Variants in HNF1A observed in about 807,000 individuals in gnomAD.
HNF1A encodes hepatocyte nuclear factor 1-alpha.
Under a neutral mutation model 62.2 loss-of-function variants are expected in HNF1A, and 21 were observed. The ratio of observed to expected loss-of-function variants is 0.34; its 90% CI spans 0.24 to 0.49. The LOEUF is 0.49. Among genes scored for constraint, HNF1A ranks in the 20% least tolerant of loss-of-function variants. The pLI is 0.99. For synonymous variants in HNF1A, 374 were observed against 366.8 expected, an observed-to-expected ratio of 1.02 and a Z score of -0.22; for missense variants, 687 against 832.3, an observed-to-expected ratio of 0.83 and a Z score of 2.15.
At chr12:121,001,021 G>C (rs1021631858) in intron 9 of HNF1A, 44 bp from the exon 10 acceptor site, 3 of 1,610,076 alleles carry the variant, frequency 1.9e-6, no homozygotes, top group African/African-American at 1.3e-5. Context: ...TGGGGTGGGT[G>C]TGGGTGCCTG....
In HNF1A at chr12:120,978,644, G is replaced by A. The variant is rs899708954; in HGVS notation, c.-125G>A. 1.1e-6 allele frequency: 1 copy of A among 918,196 alleles called. No individual in the cohort carries two copies. Among genetic ancestry groups the A allele is most frequent in the African/African-American group, 1.6e-5 (1 of 61,908 alleles). 56.9% of individuals were successfully genotyped at this position (918,196 alleles called of 1,614,324 possible). A position where few individuals can be genotyped will look rare whatever the true frequency, so the allele number is the denominator to read the frequency against. On this transcript the variant is annotated 5_prime_UTR_variant, in exon 1 of 10. Transcript: ENST00000257555. The stretch of plus-strand genomic sequence containing the variant: ...CACAGGGCTTGGCTAGTGGGGTTTT[G>A]GGGGGGCAGTGGGTGCAAGGAGTTT...
chr12:120,993,437 A>C lies in HNF1A; in HGVS notation c.527-83A>C, dbSNP rs180900291. 4.2e-5 allele frequency: 59 copies of C among 1,403,100 alleles called. No individual in the cohort carries two copies. The Admixed American group carries it at 1.1e-3, about 25-fold the overall frequency. 86.9% of individuals were successfully genotyped at this position (1,403,100 alleles called of 1,614,324 possible). ...CTGGTTCAGCGCCATGGCAATGAGA[A>C]AGAATCAAGGGCAAGGTCAGGGGAA... On this transcript the variant is annotated intron_variant, in intron 2 of 9. Transcript: ENST00000257555.
chr12:120,978,590 T>C lies in HNF1A; in HGVS notation c.-179T>C, dbSNP rs1286487047. ...GCAGGGGCCCTGATTCACGGGCCGCTGGGGCCAGGGTTGGGGGTTGGGGGT... is the reference window on the plus strand; with the variant it reads ...GCAGGGGCCCTGATTCACGGGCCGCCGGGGCCAGGGTTGGGGGTTGGGGGT... On this transcript the variant is annotated 5_prime_UTR_variant, in exon 1 of 10. Coordinates refer to ENST00000257555, the MANE Select transcript of HNF1A (RefSeq NM_000545.8). 4.6e-6 allele frequency: 3 copies of C among 658,264 alleles called. No homozygotes were observed. In the African/African-American group the frequency reaches 5.5e-5, roughly 12 times the overall value. 40.8% of individuals were successfully genotyped at this position (658,264 alleles called of 1,614,324 possible).
intron 1 of HNF1A, among the ~76,000 whole-genome samples, chr12:120,980,237 G>A (rs1477034420): frequency 3.9e-5 from 6 of 152,190 alleles, no homozygotes; most frequent in African/African-American, 2.4e-5. Context: ...TACTCTGTTC[G>A]GTGCTCTCAA....
At chr12:120,989,865 TG>T (rs1246731564) in intron 2 of HNF1A, among the ~76,000 whole-genome samples, 2 of 151,928 alleles carry the variant, frequency 1.3e-5, no homozygotes, top group African/African-American at 4.8e-5. Flanking sequence ...GGTCTTAAAG[TG>T]GGAGTTGAAT....
Position 120,996,515 on chromosome 12 carries a change from G to A in HNF1A, c.1108-26G>A, listed in dbSNP as rs764268024. ...GGCCCTGTGGGGACCCCGGCCCCCCGGACACAGCTTGGCTTCCCCTCGTAG... is the reference window on the plus strand; with the variant it reads ...GGCCCTGTGGGGACCCCGGCCCCCCAGACACAGCTTGGCTTCCCCTCGTAG... On this transcript the variant is annotated intron_variant, in intron 5 of 9. Transcript: ENST00000257555. The surrounding 1 kb of genome is among the most constrained non-coding windows in gnomAD (Gnocchi z 4.5). 84 of 1,612,914 alleles carry A rather than the reference G, an allele frequency of 5.2e-5. No homozygotes were observed. The highest frequency in any genetic ancestry group is 2.7e-4 in the East Asian group (12 of 44,856).
chr12:120,983,104 G>A (rs1241068216), intron 1 of HNF1A, among the ~76,000 whole-genome samples: 1 of 152,174 alleles, frequency 6.6e-6, no homozygotes, highest in Admixed American at 6.5e-5. Flanking sequence ...TGCATGCCCT[G>A]AAACCCCAGG....
At chr12:120,980,278 G>C (rs935998531) in intron 1 of HNF1A, among the ~76,000 whole-genome samples, 21 of 152,278 alleles carry the variant, frequency 1.4e-4, no homozygotes, top group Admixed American at 1.2e-3. Context: ...AGGCCTGCAG[G>C]GGGTGGCCAG....
At chr12:120,986,086 A>G (rs1175481959) in intron 1 of HNF1A, among the ~76,000 whole-genome samples, 1 of 152,014 alleles carries the variant, frequency 6.6e-6, no homozygotes, top group Non-Finnish European at 1.5e-5. Context: ...TGTCCTTCTC[A>G]CTCCCATCCC....
Position 120,994,393 on chromosome 12 carries a change from A to G in HNF1A, c.943A>G (p.Ser315Gly), listed in dbSNP as rs1441646300. 2 of 1,590,502 alleles carry G rather than the reference A, an allele frequency of 1.3e-6. No homozygotes were observed. Among genetic ancestry groups the G allele is most frequent in the African/African-American group, 1.3e-5 (1 of 74,634 alleles). The change falls in exon 4 of 10, where the codon AGT becomes GGT. Residue 315 changes from serine to glycine, a missense_variant. Physicochemically the swap from Ser to Gly is moderately conservative, Grantham distance 56. Coordinates refer to ENST00000257555, the MANE Select transcript of HNF1A (RefSeq NM_000545.8). ...PGLPPPALSP[S>G]KVHGVRYGQP... is the part of the protein sequence containing the mutation. ...CCTGCCTCCACCTGCCCTCTCCCCCAGTAAGGTCCACGGTAAGTGGTATGT... is the reference window on the plus strand; with the variant it reads ...CCTGCCTCCACCTGCCCTCTCCCCCGGTAAGGTCCACGGTAAGTGGTATGT...
At position 120,999,616 on chromosome 12, in the gene HNF1A, C is replaced by T; in HGVS notation, c.1757C>T (p.Ala586Val). 1 of 1,610,698 alleles carries T rather than the reference C, an allele frequency of 6.2e-7. No individual in the cohort carries two copies. The highest frequency in any genetic ancestry group is 8.5e-7 in the Non-Finnish European group (1 of 1,179,404). Residue 586 changes from alanine to valine, a missense_variant, in exon 9 of 10, where the codon GCC (alanine) becomes GTC (valine). Coordinates refer to ENST00000257555, the MANE Select transcript of HNF1A (RefSeq NM_000545.8). ...CTGCAGCCGGCCCACCGGCTCAGCGCCAGCCCCACAGGTGAGAGGCCCTGG... is the reference window on the plus strand; with the variant it reads ...CTGCAGCCGGCCCACCGGCTCAGCGTCAGCCCCACAGGTGAGAGGCCCTGG... ...QHLQPAHRLS[A>V]SPTVSSSSLV...
Position 121,001,731 on chromosome 12 carries a change from C to G in HNF1A, c.*539C>G. On this transcript the variant is annotated 3_prime_UTR_variant, in exon 10 of 10. Transcript: ENST00000257555. ...GACCCACATGCCATTTGTACTGACC[C>G]CATCACCTACTCACACAGGCATTTC... 1 of 528,218 alleles carries G rather than the reference C, an allele frequency of 1.9e-6. No individual in the cohort carries two copies. The highest frequency in any genetic ancestry group is 3.7e-6 in the Non-Finnish European group (1 of 272,430). The allele number at this position is 528,218 out of a possible 1,614,324, so 32.7% of individuals were successfully genotyped here.
At chr12:120,990,176 C>G (rs1391780628) in intron 2 of HNF1A, among the ~76,000 whole-genome samples, 3 of 151,986 alleles carry the variant, frequency 2.0e-5, no homozygotes, top group African/African-American at 7.2e-5. Context: ...GAGTCTCACT[C>G]TGTTGCCCAG....
chr12:120,999,478 C>T lies in HNF1A; in HGVS notation c.1624-5C>T. 1 of 1,613,908 alleles carries T rather than the reference C, an allele frequency of 6.2e-7. No homozygotes were observed. Among genetic ancestry groups the T allele is most frequent in the Non-Finnish European group, 8.5e-7 (1 of 1,180,006 alleles). On this transcript the variant is annotated splice_polypyrimidine_tract_variant and splice_region_variant and intron_variant, in intron 8 of 9. Coordinates refer to ENST00000257555, the MANE Select transcript of HNF1A (RefSeq NM_000545.8). Reference sequence around the variant, plus strand: ...CGGGCTCAGGAGGCTGCTCTGCTCCCCCAGGTCTTCACCTCAGACACTGAG... The same window carrying T: ...CGGGCTCAGGAGGCTGCTCTGCTCCTCCAGGTCTTCACCTCAGACACTGAG...
chr12:120,994,521 C>T, intron 4 of HNF1A, 116 bp downstream of exon 4: 1 of 1,148,558 alleles, frequency 8.7e-7, no homozygotes, highest in Non-Finnish European at 1.2e-6. Flanking sequence ...CCATTCCATT[C>T]ATGCCACTCC....
rs3213547 is a variant in HNF1A, at chr12:120,997,378, G to A, written c.1310-96G>A. On this transcript the variant is annotated intron_variant, in intron 6 of 9. Coordinates refer to ENST00000257555, the MANE Select transcript of HNF1A (RefSeq NM_000545.8). Reference sequence around the variant, plus strand: ...CACCCTGCCCCCTCCTCCAAACCACGGGCTCTGGGAAGGAGAGGTGGTGCC... The same window carrying A: ...CACCCTGCCCCCTCCTCCAAACCACAGGCTCTGGGAAGGAGAGGTGGTGCC... 74,267 of 1,398,694 alleles carry A rather than the reference G, an allele frequency of 0.053. 2,231 individuals are homozygous for A. Among genetic ancestry groups the A allele is most frequent in the South Asian group, 0.085 (5,972 of 69,922 alleles). 86.6% of individuals were successfully genotyped at this position (1,398,694 alleles called of 1,614,324 possible).
rs137853244 is a variant in HNF1A, at chr12:120,988,897, C to A, written c.391C>A (p.Arg131=). Residue 131 remains arginine, a synonymous_variant, in exon 2 of 10, where the codon CGG becomes AGG. Transcript: ENST00000257555. The stretch of plus-strand genomic sequence containing the variant: ...CCTGCAGCAGCACAACATCCCACAG[C>A]GGGAGGTGGTCGATACCACTGGCCT... ...SYLQQHNIPQ[R]EVVDTTGLNQ... 1.2e-6 allele frequency: 2 copies of A among 1,614,218 alleles called. No individual in the cohort carries two copies. The highest frequency in any genetic ancestry group is 1.7e-6 in the Non-Finnish European group (2 of 1,180,040).
intron 9 of HNF1A, among the ~76,000 whole-genome samples, chr12:121,000,297 C>T (rs1213950953): frequency 6.6e-6 from 1 of 152,186 alleles, no homozygotes; most frequent in Admixed American, 6.5e-5. Flanking sequence ...CCACTGAGGC[C>T]ATTCTGTGTC....
In HNF1A at chr12:120,997,505, G is replaced by A. The variant is rs776169793; in HGVS notation, c.1341G>A (p.Pro447=). 39 of 1,612,036 alleles carry A rather than the reference G, an allele frequency of 2.4e-5. No homozygotes were observed. The highest frequency in any genetic ancestry group is 9.9e-5 in the South Asian group (9 of 91,000). Residue 447 remains proline (P), a synonymous_variant, in exon 7 of 10, where the codon CCG becomes CCA. Coordinates refer to ENST00000257555, the MANE Select transcript of HNF1A (RefSeq NM_000545.8). ...CCTCCACGCAGGCACAGAGTGTGCC[G>A]GTCATCAACAGCATGGGCAGCAGCC... ...GLASTQAQSV[P]VINSMGSSLT... is the part of the protein sequence containing the mutation.
Sources: gnomAD v4.1 joint callset for allele counts (sites outside exome capture counted in the v4.1 genomes callset) on GRCh38, gnomAD v4.1.1 for gene constraint, Gnocchi (gnomAD v3.1) non-coding constraint, MANE v1.5 for transcripts, NCBI Gene and HGNC (gene_info 2026-07-23, HGNC 2026-07-21) for gene names.